NGEF: variants seen among roughly 807,000 people sequenced by gnomAD.
The protein encoded by NGEF is ephexin-1.
In NGEF, 31 loss-of-function variants were observed where a neutral mutation model predicts 80.9. That is an observed-to-expected ratio of 0.38 (90% CI 0.29 to 0.52). NGEF has a LOEUF of 0.52. NGEF is among the 20% of genes least tolerant of loss of function. The pLI, the probability that NGEF is intolerant of heterozygous loss-of-function variation, is 0.84. For missense variants in NGEF, 709 were observed against 926.2 expected, an observed-to-expected ratio of 0.77 and a Z score of 3.04; for synonymous variants, 371 against 370.2, an observed-to-expected ratio of 1.00 and a Z score of -0.03.
chr2:232,921,013 T>A (rs1692931550), intron 4 of NGEF, among the ~76,000 whole-genome samples: 1 of 152,184 alleles, frequency 6.6e-6, no homozygotes, highest in Non-Finnish European at 1.5e-5. Flanking sequence ...ATTTGTGCAG[T>A]GGGAGTAGCT....
At chr2:232,922,463 C>T (rs535883294) in intron 4 of NGEF, among the ~76,000 whole-genome samples, 4 of 152,204 alleles carry the variant, frequency 2.6e-5, no homozygotes, top group Non-Finnish European at 5.9e-5. Flanking sequence ...GCAACCCAGC[C>T]GGATACAACA....
chr2:233,008,587 C>T (rs551377086), intron 1 of NGEF, among the ~76,000 whole-genome samples: 1 of 152,312 alleles, frequency 6.6e-6, no homozygotes, highest in South Asian at 2.1e-4. Flanking sequence ...TTCCATATCC[C>T]CTGTCACTGC....
At chr2:232,954,088 G>A (rs1574634258) in intron 3 of NGEF, among the ~76,000 whole-genome samples, 1 of 152,198 alleles carries the variant, frequency 6.6e-6, no homozygotes, top group East Asian at 1.9e-4. Context: ...AGGGAGCTGT[G>A]TTGAGAGTCA....
At chr2:232,964,071 T>A (rs1694008734) in intron 3 of NGEF, among the ~76,000 whole-genome samples, 1 of 152,148 alleles carries the variant, frequency 6.6e-6, no homozygotes, top group African/African-American at 2.4e-5. Flanking sequence ...CAGATACAAT[T>A]ACAAAGACCG....
rs541278402 is a variant in NGEF at position 232,984,799 on chromosome 2, T to A, written c.-74-9835A>T. Among the ~76,000 whole-genome samples the A allele has an allele frequency of 3.9e-5, 6 of 152,232 alleles. No homozygotes were observed. In the South Asian group the frequency reaches 1.2e-3, roughly 32 times the overall value. ...AAAGTTAAACGTTTTATTTTATATT[T>A]ACAAAAAAGCTGCGGATGATGGAAT... On this transcript the variant is annotated intron_variant, in intron 1 of 14. Coordinates refer to ENST00000264051, the MANE Select transcript of NGEF (RefSeq NM_019850.3).
At chr2:232,995,018 T>TGTATACTGTATATATGTACAGTAC in intron 1 of NGEF, among the ~76,000 whole-genome samples, 1 of 96,230 alleles carries the variant, frequency 1.0e-5, no homozygotes, top group Non-Finnish European at 2.6e-5. Flanking sequence ...AATACATATA[T>TGTATACTGTATATATGTACAGTAC]GTATACTGTA....
intron 5 of NGEF, among the ~76,000 whole-genome samples, chr2:232,906,270 C>T (rs1374280809): frequency 1.6e-5 from 2 of 126,950 alleles, no homozygotes; most frequent in South Asian, 2.6e-4. Context: ...AGGTGAGGGG[C>T]GCCTCTGCCC....
At chr2:232,917,777 T>C (rs1009735488) in intron 5 of NGEF, among the ~76,000 whole-genome samples, 3 of 152,086 alleles carry the variant, frequency 2.0e-5, no homozygotes, top group South Asian at 2.1e-4. Context: ...ATTTCTGTTT[T>C]TATTTTTATT....
chr2:232,897,744 T>C (rs112522280), intron 5 of NGEF, among the ~76,000 whole-genome samples: 31 of 149,624 alleles, frequency 2.1e-4, no homozygotes, highest in African/African-American at 6.1e-4. Context: ...CAGTCAGAGA[T>C]GAGACGCTGA....
intron 1 of NGEF, chr2:233,012,623 G>A (rs1302049544): frequency 1.8e-5 from 6 of 333,476 alleles, no homozygotes; most frequent in Admixed American, 4.4e-5. Flanking sequence ...GACTGGCGTC[G>A]TGGGTGTGGG....
At chr2:232,918,440 G>C (rs1297933551) in intron 5 of NGEF, among the ~76,000 whole-genome samples, 5 of 152,010 alleles carry the variant, frequency 3.3e-5, no homozygotes, top group Non-Finnish European at 7.4e-5. Flanking sequence ...AGGAGTGTAA[G>C]CCGTTTGCAT....
intron 3 of NGEF, among the ~76,000 whole-genome samples, chr2:232,946,007 A>G (rs181889831): frequency 4.5e-4 from 68 of 150,976 alleles, no homozygotes; most frequent in South Asian, 1.0e-3. Context: ...TGATATCCAT[A>G]TATATATATT....
Position 232,892,980 on chromosome 2 carries a change from G to A in NGEF, c.1060C>T (p.Arg354Cys), listed in dbSNP as rs376745755. The A allele has an allele frequency of 2.9e-5, 46 of 1,613,420 alleles. No individual in the cohort carries two copies. The highest frequency in any genetic ancestry group is 8.8e-5 in the South Asian group (8 of 91,084). The stretch of plus-strand genomic sequence containing the variant: ...ACAGAGAAGTGGTCGGCCGCATAAC[G>A]GTACACAATGTCACACACGTCAGAG... ...VISDVCDIVYRYAADHFSVYI... is the reference protein window; with the variant it reads ...VISDVCDIVYCYAADHFSVYI... Residue 354 changes from arginine (R) to cysteine (C), a missense_variant, in exon 7 of 15, where the codon CGT (arginine) becomes TGT (cysteine). Arg to Cys is a radical substitution (Grantham distance 180). This residue lies in a region of NGEF where 426 missense variants were observed against 622.9 expected (regional missense o/e 0.68). Transcript: ENST00000264051. The surrounding 1 kb of genome is among the most constrained non-coding windows in gnomAD (Gnocchi z 4.0).
intron 1 of NGEF, among the ~76,000 whole-genome samples, chr2:232,980,657 C>A (rs1448138062): frequency 6.6e-6 from 1 of 152,114 alleles, no homozygotes; most frequent in East Asian, 1.9e-4. Flanking sequence ...TATCACCGTG[C>A]CTGGCTACGT....
At chr2:232,970,075 A>AT in intron 3 of NGEF, 139 bp downstream of exon 3, 2 of 371,868 alleles carry the variant, frequency 5.4e-6, no homozygotes, top group Non-Finnish European at 9.6e-6. Context: ...TTATTTATTT[A>AT]TTTTTTTAGC....
At chr2:232,992,716 G>A (rs1001557164) in intron 1 of NGEF, among the ~76,000 whole-genome samples, 1 of 152,014 alleles carries the variant, frequency 6.6e-6, no homozygotes, top group African/African-American at 2.4e-5. Context: ...GCTGGGAACA[G>A]TGGCTCACAT....
Position 232,943,805 on chromosome 2 carries a change from T to C in NGEF, c.384-16619A>G, listed in dbSNP as rs375950643. 4.6e-5 allele frequency among the ~76,000 whole-genome samples: 7 copies of C among 151,838 alleles called. 1 individual carries two copies. Among genetic ancestry groups the C allele is most frequent in the African/African-American group, 1.7e-4 (7 of 41,478 alleles). On this transcript the variant is annotated intron_variant, in intron 3 of 14. Transcript: ENST00000264051. ...CCACTGTGCCCGGCCCGGAATGCTCTACATTTTCAAGGTTGAAATCTCTTG... is the reference window on the plus strand; with the variant it reads ...CCACTGTGCCCGGCCCGGAATGCTCCACATTTTCAAGGTTGAAATCTCTTG...
At chr2:232,904,787 T>A (rs990263178) in intron 5 of NGEF, among the ~76,000 whole-genome samples, 11 of 151,860 alleles carry the variant, frequency 7.2e-5, no homozygotes, top group African/African-American at 1.7e-4. Flanking sequence ...CTTCAAAAAA[T>A]TTTTAAAGAT....
At chr2:232,910,490 T>G (rs1423868288) in intron 5 of NGEF, among the ~76,000 whole-genome samples, 1 of 152,144 alleles carries the variant, frequency 6.6e-6, no homozygotes, top group East Asian at 1.9e-4. Flanking sequence ...TGGGGACCCC[T>G]GTGCTAGACA....
Sources: gnomAD v4.1 joint callset for allele counts (sites outside exome capture counted in the v4.1 genomes callset) on GRCh38, gnomAD v4.1.1 for gene constraint, gnomAD v4.1.1 regional missense constraint, Gnocchi (gnomAD v3.1) non-coding constraint, MANE v1.5 for transcripts, NCBI Gene and HGNC (gene_info 2026-07-23, HGNC 2026-07-21) for gene names.